The following AVEN variants were observed in gnomAD, a reference collection of about 807,000 sequenced individuals.
The protein encoded by AVEN is apoptosis and caspase activation inhibitor.
In AVEN, 41 loss-of-function variants were observed where a neutral mutation model predicts 38.1. The observed-to-expected ratio is 1.08, with a 90% confidence interval of 0.84 to 1.40. The LOEUF is 1.40. AVEN is among the 40% of genes most tolerant of loss of function. The probability of loss-of-function intolerance (pLI) is 0.00; values close to 1 mark genes in which losing one functional copy is unlikely to be tolerated. For missense variants in AVEN, 605 were observed against 438.8 expected, an observed-to-expected ratio of 1.38 and a Z score of -3.38; for synonymous variants, 206 against 171.8, an observed-to-expected ratio of 1.20 and a Z score of -1.56.
chr15:34,050,271 T>C (rs1381580332), intron 5 of AVEN, among the ~76,000 whole-genome samples: 2 of 152,108 alleles, frequency 1.3e-5, no homozygotes, highest in Admixed American at 6.5e-5. Context: ...AGAAATAAGA[T>C]CCTTTGCAGA....
At position 33,988,336 on chromosome 15, in the gene AVEN, G is replaced by A. The variant is rs1475086404; in HGVS notation, c.445+14696C>T. On this transcript the variant is annotated intron_variant, in intron 2 of 5. Coordinates refer to ENST00000306730, the MANE Select transcript of AVEN (RefSeq NM_020371.3). ...CAACCTTGAAGCCAGGCATACTTAA[G>A]TTTGAATCCTGATTCTGCTACCTAA... 6.5e-4 allele frequency among the ~76,000 whole-genome samples: 99 copies of A among 152,168 alleles called. 1 individual carries two copies. The highest frequency in any genetic ancestry group is 2.9e-5 in the Non-Finnish European group (2 of 68,036).
chr15:33,981,260 A>G (rs934696871), intron 2 of AVEN, among the ~76,000 whole-genome samples: 1 of 152,242 alleles, frequency 6.6e-6, no homozygotes, highest in African/African-American at 2.4e-5. Flanking sequence ...TGCACAGTTT[A>G]TAACACATAA....
downstream of AVEN, chr15:33,858,004 G>C (rs576240376): frequency 1.3e-6 from 2 of 1,535,534 alleles, no homozygotes; most frequent in East Asian, 4.6e-5. Context: ...GTGTGGGGGT[G>C]CTCTTGAGAA....
chr15:34,015,531 T>C (rs575258455), intron 1 of AVEN, among the ~76,000 whole-genome samples: 36 of 152,294 alleles, frequency 2.4e-4, no homozygotes, highest in African/African-American at 8.2e-4. Context: ...AAAAATGTTT[T>C]ATTATAATAC....
At chr15:33,861,382 G>C (rs117851452), downstream of AVEN, among the ~76,000 whole-genome samples, 1 of 151,918 alleles carries the variant, frequency 6.6e-6, no homozygotes, top group Non-Finnish European at 1.5e-5. Flanking sequence ...CCTAGCAAAA[G>C]GCCAGCCCCT....
In AVEN at chr15:33,877,574, G is replaced by A. The variant is rs994376452; in HGVS notation, c.446-1579C>T. Among the ~76,000 whole-genome samples the A allele has an allele frequency of 1.1e-4, 16 of 152,374 alleles. No homozygotes were observed. In the East Asian group the frequency reaches 1.9e-3, roughly 18 times the overall value. On this transcript the variant is annotated intron_variant, in intron 2 of 5. Coordinates refer to ENST00000306730, the MANE Select transcript of AVEN (RefSeq NM_020371.3). ...TCACGCCTACAATCCCAGCACTTCG[G>A]GAAGCCGAGGAGGGTGGATCACTTG...
At chr15:33,864,181 AC>A (rs1291709244), downstream of AVEN, 1 of 1,611,442 alleles carries the variant, frequency 6.2e-7, no homozygotes. Context: ...AACAGAGCAC[AC>A]GGGTCAGGTG....
rs1555518610 is a variant in AVEN at position 34,032,023 on chromosome 15, G to GCGCACACACA, written c.267+6756_267+6757insTGTGTGTGCG. ...TCAACACACACATACGCGCGCACAC[G>GCGCACACACA]CACACACACACACACACAGGGCTTC... On this transcript the variant is annotated intron_variant, in intron 1 of 5. Transcript: ENST00000306730. Among the ~76,000 whole-genome samples, 61 of 149,042 alleles carry GCGCACACACA rather than the reference G, an allele frequency of 4.1e-4. No individual in the cohort carries two copies. In the South Asian group the frequency reaches 0.011, roughly 28 times the overall value.
intron 2 of AVEN, among the ~76,000 whole-genome samples, chr15:33,971,518 A>C (rs1172298317): frequency 1.3e-5 from 2 of 152,114 alleles, no homozygotes; most frequent in African/African-American, 4.8e-5. Flanking sequence ...GTGTATGTTG[A>C]CATAACAATC....
intron 2 of AVEN, chr15:33,992,176 G>GA (rs1399439911): frequency 6.6e-6 from 1 of 152,278 alleles, no homozygotes; most frequent in Admixed American, 6.5e-5. Context: ...CACGAAGTCA[G>GA]AAGATTTGAG....
At chr15:33,888,329 G>A (rs73375717) in intron 2 of AVEN, among the ~76,000 whole-genome samples, 13,168 of 151,926 alleles carry the variant, frequency 0.087, 873 homozygotes, top group African/African-American at 0.17. Context: ...CAGGGGGAAG[G>A]GGGGCATAGT....
At chr15:34,017,546 G>A (rs888944229) in intron 1 of AVEN, among the ~76,000 whole-genome samples, 1 of 144,812 alleles carries the variant, frequency 6.9e-6, no homozygotes, top group East Asian at 2.0e-4. Flanking sequence ...GCAGTACTGC[G>A]ATCAGCTTAT....
chr15:33,930,954 CAAAAAAA>C lies in AVEN; in HGVS notation c.446-54966_446-54960del, dbSNP rs61006422. 8.0e-5 allele frequency among the ~76,000 whole-genome samples: 9 copies of C among 111,832 alleles called. No individual in the cohort carries two copies. In the South Asian group the frequency reaches 1.4e-3, roughly 17 times the overall value. The allele number at this position is 111,832 out of a possible 152,430, so 73.4% of individuals were successfully genotyped here. A position where few individuals can be genotyped will look rare whatever the true frequency, so the allele number is the denominator to read the frequency against. On this transcript the variant is annotated intron_variant, in intron 2 of 5. Transcript: ENST00000306730. ...TGGGCGACACAGTGAGACTCTGTCT[CAAAAAAA>C]AAAAAAAAAAAAACTTAAGGATTAC...
intron 2 of AVEN, among the ~76,000 whole-genome samples, chr15:33,974,468 C>T (rs1895785009): frequency 6.6e-6 from 1 of 152,132 alleles, no homozygotes; most frequent in Non-Finnish European, 1.5e-5. Context: ...AAAGCAGGGA[C>T]AAAGGCTAAA....
intron 2 of AVEN, among the ~76,000 whole-genome samples, chr15:33,910,646 T>C (rs1892882991): frequency 6.6e-6 from 1 of 152,194 alleles, no homozygotes; most frequent in Non-Finnish European, 1.5e-5. Flanking sequence ...ACTCACCCAA[T>C]GGGCATTACT....
the AVEN span, chr15:33,853,130 A>C: frequency 6.7e-7 from 1 of 1,488,826 alleles, no homozygotes; most frequent in Non-Finnish European, 9.0e-7. Flanking sequence ...TCACCAAAAA[A>C]TGTGGTGTAT....
intron 5 of AVEN, among the ~76,000 whole-genome samples, chr15:34,053,501 A>T (rs1278373327): frequency 1.3e-5 from 2 of 151,750 alleles, no homozygotes; most frequent in African/African-American, 2.4e-5. Context: ...ATGGAACAGA[A>T]TAGAGAATTC....
chr15:33,861,684 A>G (rs1383532286), downstream of AVEN, among the ~76,000 whole-genome samples: 1 of 152,104 alleles, frequency 6.6e-6, no homozygotes, highest in Non-Finnish European at 1.5e-5. Flanking sequence ...GTCTTGTCAA[A>G]GGGGCCTGTA....
chr15:33,907,477 T>TG (rs1892749107), intron 2 of AVEN, among the ~76,000 whole-genome samples: 1 of 152,218 alleles, frequency 6.6e-6, no homozygotes, highest in Admixed American at 6.5e-5. Context: ...TTCTGTTCCA[T>TG]ATTTTTCACT....
Sources: allele counts gnomAD v4.1 joint callset (sites outside exome capture counted in the v4.1 genomes callset), GRCh38; gene constraint gnomAD v4.1.1; transcripts MANE v1.5; gene names NCBI Gene and HGNC (gene_info 2026-07-23, HGNC 2026-07-21).